Variants in TENM3 observed in about 807,000 individuals in gnomAD.
TENM3 encodes teneurin-3.
Under a neutral mutation model 255.1 loss-of-function variants are expected in TENM3, and 63 were observed. The ratio of observed to expected loss-of-function variants is 0.25; its 90% CI spans 0.20 to 0.30. The LOEUF (loss-of-function observed/expected upper bound fraction) is 0.30, where lower values mean the gene tolerates loss of function less well. Among genes scored for constraint, TENM3 ranks in the 10% least tolerant of loss-of-function variants. The pLI, the probability that TENM3 is intolerant of heterozygous loss-of-function variation, is 1.00. For missense variants in TENM3, 2,929 were observed against 3,461.1 expected, an observed-to-expected ratio of 0.85 and a Z score of 3.86; for synonymous variants, 1,306 against 1,322.3, an observed-to-expected ratio of 0.99 and a Z score of 0.27.
intron 3 of TENM3, among the ~76,000 whole-genome samples, chr4:182,391,239 C>G (rs1768400457): frequency 6.6e-6 from 1 of 151,384 alleles, no homozygotes; most frequent in Non-Finnish European, 1.5e-5. Flanking sequence ...GTGCCCATGA[C>G]TGAGAAGAGG....
At chr4:182,566,427 A>G (rs916693249) in intron 3 of TENM3, among the ~76,000 whole-genome samples, 1 of 152,216 alleles carries the variant, frequency 6.6e-6, no homozygotes, top group Non-Finnish European at 1.5e-5. Context: ...AACCTGGCAT[A>G]ACCCACAGCC....
the TENM3 span, among the ~76,000 whole-genome samples, chr4:181,453,561 C>CA: frequency 0.36 from 54,715 of 150,228 alleles, 11,156 homozygotes; most frequent in East Asian, 0.53. Flanking sequence ...AAGTTGATAG[C>CA]AAAAAAAAAG....
chr4:182,631,931 AAG>A (rs1645839748), intron 5 of TENM3, among the ~76,000 whole-genome samples: 1 of 152,128 alleles, frequency 6.6e-6, no homozygotes, highest in Non-Finnish European at 1.5e-5. Context: ...CAGCTTCTGA[AAG>A]AGAGGCAAGG....
the TENM3 span, among the ~76,000 whole-genome samples, chr4:182,123,410 TGTAA>T: frequency 1.3e-5 from 2 of 152,222 alleles, no homozygotes; most frequent in African/African-American, 4.8e-5. Flanking sequence ...TAGCTTTTGA[TGTAA>T]GTGAGAGATG....
chr4:182,419,112 G>A (rs1016751988), intron 3 of TENM3, among the ~76,000 whole-genome samples: 1 of 152,114 alleles, frequency 6.6e-6, no homozygotes, highest in African/African-American at 2.4e-5. Context: ...AATTATCATA[G>A]CAAGTAAATA....
chr4:182,565,269 C>G (rs1470540116), intron 3 of TENM3, among the ~76,000 whole-genome samples: 2 of 152,102 alleles, frequency 1.3e-5, no homozygotes, highest in East Asian at 3.8e-4. Context: ...GATAATAGAA[C>G]CGAAGAACTG....
the TENM3 span, among the ~76,000 whole-genome samples, chr4:181,717,197 A>G: frequency 6.6e-6 from 1 of 152,194 alleles, no homozygotes; most frequent in Non-Finnish European, 1.5e-5. Context: ...TGAATGGCAC[A>G]TTAGAAGTAT....
At chr4:181,697,375 G>T in the TENM3 span, among the ~76,000 whole-genome samples, 2 of 152,006 alleles carry the variant, frequency 1.3e-5, no homozygotes, top group Non-Finnish European at 2.9e-5. Context: ...TTCCTGGTGG[G>T]TTTTTTTGTG....
the TENM3 span, among the ~76,000 whole-genome samples, chr4:181,946,917 C>A: frequency 6.6e-6 from 1 of 152,180 alleles, no homozygotes; most frequent in Non-Finnish European, 1.5e-5. Context: ...ACTCACAATT[C>A]TTTTATTCTT....
chr4:181,858,621 G>A, the TENM3 span, among the ~76,000 whole-genome samples: 1 of 152,182 alleles, frequency 6.6e-6, no homozygotes, highest in Non-Finnish European at 1.5e-5. Context: ...AATCCTACCT[G>A]ACAGCTTGTG....
At chr4:182,681,554 C>T (rs1208122966) in intron 10 of TENM3, among the ~76,000 whole-genome samples, 1 of 152,088 alleles carries the variant, frequency 6.6e-6, no homozygotes, top group East Asian at 1.9e-4. Context: ...TAGTCTGAAA[C>T]CTCAAGAGCC....
the TENM3 span, among the ~76,000 whole-genome samples, chr4:181,863,905 A>G: frequency 3.9e-5 from 6 of 152,334 alleles, no homozygotes; most frequent in East Asian, 9.6e-4. Flanking sequence ...TGATGAGCAA[A>G]TATAAAATCT....
the TENM3 span, among the ~76,000 whole-genome samples, chr4:182,038,722 G>A: frequency 4.6e-5 from 7 of 152,242 alleles, no homozygotes; most frequent in East Asian, 3.9e-4. Flanking sequence ...GCTAAAATAC[G>A]TATTTTATTT....
At chr4:181,496,934 A>C in the TENM3 span, among the ~76,000 whole-genome samples, 1 of 144,196 alleles carries the variant, frequency 6.9e-6, no homozygotes, top group South Asian at 2.1e-4. Flanking sequence ...AGAAATCACT[A>C]TTATAAATTT....
upstream of TENM3, among the ~76,000 whole-genome samples, chr4:182,240,123 G>A (rs1162301679): frequency 6.6e-6 from 1 of 152,164 alleles, no homozygotes; most frequent in African/African-American, 2.4e-5. Flanking sequence ...GTGGATATTG[G>A]CTGTTGCCTT....
At chr4:181,580,618 G>A in the TENM3 span, among the ~76,000 whole-genome samples, 1 of 152,178 alleles carries the variant, frequency 6.6e-6, no homozygotes, top group Non-Finnish European at 1.5e-5. Flanking sequence ...GGACGAAGGA[G>A]AAACGAGGGA....
intron 3 of TENM3, among the ~76,000 whole-genome samples, chr4:182,451,947 C>T (rs1773496323): frequency 6.6e-6 from 1 of 152,138 alleles, no homozygotes; most frequent in African/African-American, 2.4e-5. Flanking sequence ...ATGCTAAATA[C>T]AGGACAATAT....
At chr4:181,714,216 A>G in the TENM3 span, among the ~76,000 whole-genome samples, 1 of 152,164 alleles carries the variant, frequency 6.6e-6, no homozygotes, top group African/African-American at 2.4e-5. Context: ...CAGGGGGATC[A>G]TTTGAGGCTA....
In TENM3 at chr4:182,445,061, G is replaced by A. The variant is rs191148716; in HGVS notation, c.511+98132G>A. Among the ~76,000 whole-genome samples, 44 of 152,120 alleles carry A rather than the reference G, an allele frequency of 2.9e-4. 2 individuals are homozygous for A. In the East Asian group the frequency reaches 8.1e-3, roughly 28 times the overall value. On this transcript the variant is annotated intron_variant, in intron 3 of 27. Transcript: ENST00000511685. ...TGACCTCAGGTGATCCACCCACCTC[G>A]GCCTCCCAAAGTGCTGGGATTACAG...
Sources: gnomAD v4.1 joint callset for allele counts (sites outside exome capture counted in the v4.1 genomes callset) on GRCh38, gnomAD v4.1.1 for gene constraint, MANE v1.5 for transcripts, NCBI Gene and HGNC (gene_info 2026-07-23, HGNC 2026-07-21) for gene names.